Variants in BRPF3 observed in about 807,000 individuals in gnomAD.
The protein encoded by BRPF3 is bromodomain and PHD finger-containing protein 3.
BRPF3 carries 18 observed loss-of-function variants against 102.0 expected under a neutral mutation model. The observed-to-expected ratio is 0.18, with a 90% CI of 0.12 to 0.26. BRPF3 has a LOEUF of 0.26. Among genes scored for constraint, BRPF3 ranks in the 10% least tolerant of loss-of-function variants. The pLI is 1.00. For synonymous variants in BRPF3, 570 were observed against 614.2 expected, an observed-to-expected ratio of 0.93 and a Z score of 1.06; for missense variants, 1,147 against 1,567.8, an observed-to-expected ratio of 0.73 and a Z score of 4.53.
In BRPF3 at chr6:36,213,868, T is replaced by C; in HGVS notation, c.2483-12T>C. 6.4e-7 allele frequency: 1 copy of C among 1,572,382 alleles called. No individual in the cohort carries two copies. Among genetic ancestry groups the C allele is most frequent in the Non-Finnish European group, 8.6e-7 (1 of 1,161,448 alleles). On this transcript the variant is annotated splice_polypyrimidine_tract_variant and intron_variant, in intron 7 of 12. Coordinates refer to ENST00000357641, the MANE Select transcript of BRPF3 (RefSeq NM_015695.3). ...CTAAAATGTTCAAGCAGATTCTCTT[T>C]TTTTCTAATAGATGACTCCAAACTG...
Position 36,214,041 on chromosome 6 carries a change from C to A in BRPF3, c.2644C>A (p.Leu882Ile), listed in dbSNP as rs1175788919. The A allele has an allele frequency of 5.6e-6, 9 of 1,614,058 alleles. No individual in the cohort carries two copies. Among genetic ancestry groups the A allele is most frequent in the Non-Finnish European group, 7.6e-6 (9 of 1,180,024 alleles). The change falls in exon 8 of 13, where the codon CTC becomes ATC. Residue 882 changes from leucine (L) to isoleucine (I), a missense_variant. Physicochemically the swap from Leu to Ile is conservative, Grantham distance 5 (BLOSUM62 2). Transcript: ENST00000357641. ...GCCCAGAAAGGTGGAAGAAGATGAGCTCTTGGAAAAATCACCACTGCAGCT... is the reference window on the plus strand; with the variant it reads ...GCCCAGAAAGGTGGAAGAAGATGAGATCTTGGAAAAATCACCACTGCAGCT... ...LKPRKVEEDE[L>I]LEKSPLQLGN...
At chr6:36,203,798 A>T (rs2127277821) in intron 2 of BRPF3, among the ~76,000 whole-genome samples, 1 of 152,336 alleles carries the variant, frequency 6.6e-6, no homozygotes, top group African/African-American at 2.4e-5. Flanking sequence ...TATAGCAGAG[A>T]GATCGTGGAT....
At chr6:36,211,189 C>T (rs1283508728) in intron 6 of BRPF3, 69 bp from the exon 7 acceptor site, 7 of 1,482,862 alleles carry the variant, frequency 4.7e-6, no homozygotes, top group Admixed American at 2.0e-5. Flanking sequence ...CCGAAGGATT[C>T]GGCCCCTTTC....
chr6:36,223,058 C>A (rs953124516), intron 10 of BRPF3, among the ~76,000 whole-genome samples: 10 of 152,218 alleles, frequency 6.6e-5, no homozygotes, highest in Admixed American at 4.6e-4. Flanking sequence ...AAGGGCAGGG[C>A]AGGACCTGGG....
chr6:36,214,584 C>G (rs994971613), intron 8 of BRPF3, among the ~76,000 whole-genome samples, 198 bp downstream of exon 8: 3 of 152,158 alleles, frequency 2.0e-5, no homozygotes, highest in Admixed American at 2.0e-4. Flanking sequence ...CAGGTATTTT[C>G]CAGAGAGCCA....
At chr6:36,209,953 TGAACTG>T (rs1230384769) in intron 5 of BRPF3, 38 bp downstream of exon 5, 1 of 1,610,950 alleles carries the variant, frequency 6.2e-7, no homozygotes, top group African/African-American at 1.3e-5. Context: ...AAATTCTTCT[TGAACTG>T]GAACAGGGTC....
In BRPF3 at chr6:36,210,025, G is replaced by A; in HGVS notation, c.1866+110G>A. On this transcript the variant is annotated intron_variant, in intron 5 of 12. Coordinates refer to ENST00000357641, the MANE Select transcript of BRPF3 (RefSeq NM_015695.3). The surrounding 1 kb of genome is among the most constrained non-coding windows in gnomAD (Gnocchi z 4.7). ...GGTGTACAAAACCAGGGGTAGGAGG[G>A]TGGGTCTGGCAAAGCTAGTAGACTT... is the stretch of plus-strand genomic sequence containing the variant. 1.3e-6 allele frequency: 2 copies of A among 1,497,652 alleles called. No homozygotes were observed. Among genetic ancestry groups the A allele is most frequent in the Middle Eastern group, 1.9e-4 (1 of 5,338 alleles). The allele number at this position is 1,497,652 out of a possible 1,614,324, so 92.8% of individuals were successfully genotyped here.
intron 2 of BRPF3, 77 bp from the exon 3 acceptor site, chr6:36,204,581 G>A (rs778225713): frequency 2.9e-5 from 45 of 1,538,096 alleles, no homozygotes; most frequent in Non-Finnish European, 4.0e-5. Context: ...AATGAACCAG[G>A]TCTGGATAGG....
At chr6:36,204,333 A>C in intron 2 of BRPF3, 1 of 316,300 alleles carries the variant, frequency 3.2e-6, no homozygotes, top group Non-Finnish European at 6.1e-6. Context: ...GGCTGGGGGT[A>C]TTGAGGCATA....
At position 36,205,250 on chromosome 6, in the gene BRPF3, A is replaced by G. The variant is rs117739385; in HGVS notation, c.1605+436A>G. On this transcript the variant is annotated intron_variant, in intron 3 of 12. Transcript: ENST00000357641. ...TAAGTTGTAGCACACAGCCTGTCCA[A>G]TTGTGGTGGCTGTTAGCCATTAGCA... is the stretch of plus-strand genomic sequence containing the variant. Among the ~76,000 whole-genome samples the G allele has an allele frequency of 4.6e-3, 703 of 152,326 alleles. 23 individuals are homozygous for G. The East Asian group carries it at 0.093, about 20-fold the overall frequency.
At chr6:36,213,749 TA>T in intron 7 of BRPF3, 130 bp from the exon 8 acceptor site, 1 of 925,382 alleles carries the variant, frequency 1.1e-6, no homozygotes, top group Non-Finnish European at 1.6e-6. Context: ...GCTTCAGATC[TA>T]AGACCTTGAA....
Position 36,201,046 on chromosome 6 carries a change from G to A in BRPF3, c.724G>A (p.Glu242Lys). The A allele has an allele frequency of 6.2e-7, 1 of 1,614,144 alleles. No homozygotes were observed. The highest frequency in any genetic ancestry group is 8.5e-7 in the Non-Finnish European group (1 of 1,180,030). Residue 242 changes from glutamate (E) to lysine (K), a missense_variant, in exon 2 of 13, where the codon GAG becomes AAG. Glu to Lys is a moderately conservative substitution (Grantham distance 56). Transcript: ENST00000357641. This position sits in a 1 kb window ranked among gnomAD's most constrained non-coding sequence, Gnocchi z 5.1. ...CDICNLAVHQ[E>K]CYGVPYIPEG... Reference sequence around the variant, plus strand: ...CATCTGCAACCTGGCTGTACACCAGGAGTGCTATGGCGTCCCATACATCCC... The same window carrying A: ...CATCTGCAACCTGGCTGTACACCAGAAGTGCTATGGCGTCCCATACATCCC...
chr6:36,217,865 T>A (rs1256676812), intron 8 of BRPF3, 52 bp from the exon 9 acceptor site: 3 of 1,536,372 alleles, frequency 2.0e-6, no homozygotes, highest in Non-Finnish European at 2.7e-6. Context: ...CTGTAGCATG[T>A]GTTGGGAAGG....
chr6:36,204,818 G>A lies in BRPF3; in HGVS notation c.1605+4G>A. 6.2e-7 allele frequency: 1 copy of A among 1,610,614 alleles called. No individual in the cohort carries two copies. Among genetic ancestry groups the A allele is most frequent in the Non-Finnish European group, 8.5e-7 (1 of 1,177,030 alleles). On this transcript the variant is annotated splice_donor_region_variant and intron_variant, in intron 3 of 12. Transcript: ENST00000357641. ...GTCCCAAAGAAACGCTGAGCAGGTA[G>A]GTGCAGTGGTGATTTGAGGCTGGTA... is the stretch of plus-strand genomic sequence containing the variant.
Position 36,214,397 on chromosome 6 carries a change from C to G in BRPF3, c.2989+11C>G. ...AGGAGGAAGAGACAGGTGACCCTGCCTGTGACTTCTCTTGATACTTCGCAT... is the reference window on the plus strand; with the variant it reads ...AGGAGGAAGAGACAGGTGACCCTGCGTGTGACTTCTCTTGATACTTCGCAT... On this transcript the variant is annotated intron_variant, in intron 8 of 12. Coordinates refer to ENST00000357641, the MANE Select transcript of BRPF3 (RefSeq NM_015695.3). 6.5e-7 allele frequency: 1 copy of G among 1,544,956 alleles called. No individual in the cohort carries two copies. Among genetic ancestry groups the G allele is most frequent in the Non-Finnish European group, 8.7e-7 (1 of 1,150,182 alleles).
chr6:36,222,313 G>C, intron 10 of BRPF3, 48 bp downstream of exon 10: 1 of 1,514,784 alleles, frequency 6.6e-7, no homozygotes. Flanking sequence ...GCCTTCTGAG[G>C]AGCCAGCTCT....
chr6:36,210,287 C>T lies in BRPF3; in HGVS notation c.1938C>T (p.His646=), dbSNP rs1267189893. 2.5e-5 allele frequency: 41 copies of T among 1,614,124 alleles called. No homozygotes were observed. The highest frequency in any genetic ancestry group is 3.5e-5 in the Non-Finnish European group (41 of 1,180,038). ...FSTMRRKLES[H]LYRTLEEFEE... The stretch of plus-strand genomic sequence containing the variant: ...CTATGAGGCGGAAGCTGGAGTCCCA[C>T]CTGTACCGCACCTTGGAGGAGTTTG... Residue 646 remains histidine, a synonymous_variant, in exon 6 of 13, where the codon CAC becomes CAT. Transcript: ENST00000357641. The surrounding 1 kb of genome is among the most constrained non-coding windows in gnomAD (Gnocchi z 4.7).
At chr6:36,218,797 T>C (rs962797266) in intron 9 of BRPF3, among the ~76,000 whole-genome samples, 1 of 152,190 alleles carries the variant, frequency 6.6e-6, no homozygotes, top group Admixed American at 6.5e-5. Flanking sequence ...CCCAAAGCTC[T>C]TCTGCTGTCC....
At position 36,225,388 on chromosome 6, in the gene BRPF3, C is replaced by T. The variant is rs58073846; in HGVS notation, c.3279+24C>T. On this transcript the variant is annotated intron_variant, in intron 11 of 12. Coordinates refer to ENST00000357641, the MANE Select transcript of BRPF3 (RefSeq NM_015695.3). ...TGGTGAGTCTGCCCCAGACGCCACC[C>T]TCCTATCTCCCCTGCCTTGCCTTGG... is the stretch of plus-strand genomic sequence containing the variant. 5 of 1,593,626 alleles carry T rather than the reference C, an allele frequency of 3.1e-6. No individual in the cohort carries two copies. The Admixed American group carries it at 6.7e-5, about 21-fold the overall frequency.
Sources: allele counts gnomAD v4.1 joint callset (sites outside exome capture counted in the v4.1 genomes callset), GRCh38; gene constraint gnomAD v4.1.1; non-coding constraint Gnocchi (gnomAD v3.1); transcripts MANE v1.5; gene names NCBI Gene and HGNC (gene_info 2026-07-23, HGNC 2026-07-21).